The following DAPK1 variants were observed in gnomAD, a reference collection of about 807,000 sequenced individuals.
DAPK1 encodes the protein death-associated protein kinase 1.
In DAPK1, 56 loss-of-function variants were observed where a neutral mutation model predicts 144.9. The observed-to-expected ratio is 0.39, with a 90% CI of 0.31 to 0.48. The LOEUF (loss-of-function observed/expected upper bound fraction) is 0.48. DAPK1 is among the 20% of genes least tolerant of loss of function. The pLI is 0.95. For missense variants in DAPK1, 1,454 were observed against 1,875.4 expected, an observed-to-expected ratio of 0.78 and a Z score of 4.15; for synonymous variants, 690 against 749.0, an observed-to-expected ratio of 0.92 and a Z score of 1.29.
intron 2 of DAPK1, among the ~76,000 whole-genome samples, chr9:87,509,350 C>A (rs1024876957): frequency 2.0e-5 from 3 of 152,098 alleles, no homozygotes; most frequent in African/African-American, 7.2e-5. Context: ...GAAAGCACAG[C>A]CTGCCAGCAT....
rs567707197 is a variant in DAPK1 at position 87,639,230 on chromosome 9, C to T, written c.424-124C>T. On this transcript the variant is annotated intron_variant, in intron 4 of 25. Coordinates refer to ENST00000408954, the MANE Select transcript of DAPK1 (RefSeq NM_004938.4). ...ACATGTATTTTCCTGCTGTTCTCTTCCAACCACCCTTTCTTCCCTACTTTT... is the reference window on the plus strand; with the variant it reads ...ACATGTATTTTCCTGCTGTTCTCTTTCAACCACCCTTTCTTCCCTACTTTT... 1.6e-5 allele frequency: 14 copies of T among 897,872 alleles called. No homozygotes were observed. The African/African-American group carries it at 2.0e-4, about 13-fold the overall frequency. 55.6% of individuals were successfully genotyped at this position (897,872 alleles called of 1,614,324 possible).
chr9:87,554,335 A>T (rs1310179587), intron 2 of DAPK1: 1 of 152,230 alleles, frequency 6.6e-6, no homozygotes, highest in Admixed American at 6.5e-5. Flanking sequence ...TCCAGTTTTT[A>T]AAATTATTAT....
At chr9:87,654,754 G>A (rs990269280) in intron 17 of DAPK1, among the ~76,000 whole-genome samples, 1 of 152,146 alleles carries the variant, frequency 6.6e-6, no homozygotes, top group African/African-American at 2.4e-5. Flanking sequence ...TGTGCACCCA[G>A]GGGTCTACTA....
intron 10 of DAPK1, among the ~76,000 whole-genome samples, chr9:87,642,335 G>A (rs1453107226): frequency 6.6e-6 from 1 of 152,118 alleles, no homozygotes; most frequent in Non-Finnish European, 1.5e-5. Context: ...TAAAATTATA[G>A]TGAAATTTTT....
intron 9 of DAPK1, among the ~76,000 whole-genome samples, 193 bp from the exon 10 acceptor site, chr9:87,641,776 G>A (rs1355286079): frequency 2.6e-5 from 4 of 152,158 alleles, no homozygotes; most frequent in Non-Finnish European, 5.9e-5. Flanking sequence ...TGGATGATAC[G>A]AAACCCTGAG....
At chr9:87,585,826 A>G (rs1827926808) in intron 2 of DAPK1, among the ~76,000 whole-genome samples, 1 of 152,250 alleles carries the variant, frequency 6.6e-6, no homozygotes, top group Non-Finnish European at 1.5e-5. Context: ...GTGTGTGTGT[A>G]AAGCACACAC....
At chr9:87,629,973 A>G (rs3128525) in intron 3 of DAPK1, among the ~76,000 whole-genome samples, 59,849 of 151,928 alleles carry the variant, frequency 0.39, 13,480 homozygotes, top group Non-Finnish European at 0.51. Context: ...CCAGTGTGCT[A>G]TGAGGGAGCC....
chr9:87,682,585 C>A lies in DAPK1; in HGVS notation c.2224+959C>A, dbSNP rs76447697. Among the ~76,000 whole-genome samples the A allele has an allele frequency of 6.8e-3, 1,031 of 152,238 alleles. 12 individuals carry two copies. The highest frequency in any genetic ancestry group is 0.023 in the African/African-American group (938 of 41,532). The stretch of plus-strand genomic sequence containing the variant: ...CGGAGAGTTGGCTGAGATTTATATT[C>A]CCTTTTCAACTTCTGTTCTCTGAAC... On this transcript the variant is annotated intron_variant, in intron 20 of 25. Coordinates refer to ENST00000408954, the MANE Select transcript of DAPK1 (RefSeq NM_004938.4).
rs56299528 is a variant in DAPK1, at chr9:87,571,476, AAC to A, written c.63-33461_63-33460del. Among the ~76,000 whole-genome samples, 43 of 48,550 alleles carry A rather than the reference AAC, an allele frequency of 8.9e-4. 6 individuals are homozygous for A. Among genetic ancestry groups the A allele is most frequent in the East Asian group, 8.2e-3 (9 of 1,102 alleles). 31.9% of individuals were successfully genotyped at this position (48,550 alleles called of 152,430 possible). On this transcript the variant is annotated intron_variant, in intron 2 of 25. Coordinates refer to ENST00000408954, the MANE Select transcript of DAPK1 (RefSeq NM_004938.4). Reference sequence around the variant, plus strand: ...ACACACACACACACACACACACACCAACACACACACACACACACCCCAACACA... The same window carrying A: ...ACACACACACACACACACACACACCAACACACACACACACACCCCAACACA...
chr9:87,512,500 T>C (rs1824885079), intron 2 of DAPK1, among the ~76,000 whole-genome samples: 1 of 152,182 alleles, frequency 6.6e-6, no homozygotes, highest in African/African-American at 2.4e-5. Flanking sequence ...GGTTGGTGGC[T>C]GAAAGGCTGG....
intron 17 of DAPK1, among the ~76,000 whole-genome samples, chr9:87,657,006 G>A (rs1171545405): frequency 6.6e-6 from 1 of 152,032 alleles, no homozygotes; most frequent in Non-Finnish European, 1.5e-5. Context: ...AAGAGCATGT[G>A]TTAACTTTAT....
chr9:87,559,269 T>C (rs1043452185), intron 2 of DAPK1, among the ~76,000 whole-genome samples: 3 of 149,216 alleles, frequency 2.0e-5, no homozygotes, highest in Non-Finnish European at 4.4e-5. Flanking sequence ...TATGCTTCTT[T>C]TTATTACAGG....
intron 2 of DAPK1, among the ~76,000 whole-genome samples, chr9:87,568,221 C>T (rs764822705): frequency 4.6e-5 from 7 of 152,218 alleles, no homozygotes; most frequent in Admixed American, 2.0e-4. Flanking sequence ...ATGCATTGGG[C>T]GCTGACTGCC....
chr9:87,655,803 T>G (rs571415785), intron 17 of DAPK1, among the ~76,000 whole-genome samples: 142 of 152,308 alleles, frequency 9.3e-4, no homozygotes, highest in Admixed American at 2.8e-3. Flanking sequence ...TTGTCCCTCT[T>G]TAAGTCGGTG....
At position 87,571,462 on chromosome 9, in the gene DAPK1, C is replaced by CCCCA. The variant is rs1564000702; in HGVS notation, c.63-33492_63-33491insCCCA. ...ACACACACACACACACACACACACA[C>CCCCA]ACACACACACACCAACACACACACA... On this transcript the variant is annotated intron_variant, in intron 2 of 25. Coordinates refer to ENST00000408954, the MANE Select transcript of DAPK1 (RefSeq NM_004938.4). Among the ~76,000 whole-genome samples, 53 of 65,468 alleles carry CCCCA rather than the reference C, an allele frequency of 8.1e-4. 1 individual carries two copies. The highest frequency in any genetic ancestry group is 4.0e-3 in the African/African-American group (51 of 12,858). 42.9% of individuals were successfully genotyped at this position (65,468 alleles called of 152,430 possible). A position where few individuals can be genotyped will look rare whatever the true frequency, so the allele number is the denominator to read the frequency against.
chr9:87,549,816 A>G (rs1396740207), intron 2 of DAPK1, among the ~76,000 whole-genome samples: 1 of 152,246 alleles, frequency 6.6e-6, no homozygotes, highest in African/African-American at 2.4e-5. Context: ...ATATATGGAA[A>G]AGTGGGGGAA....
At chr9:87,550,090 AT>A (rs1826420692) in intron 2 of DAPK1, among the ~76,000 whole-genome samples, 1 of 152,192 alleles carries the variant, frequency 6.6e-6, no homozygotes, top group African/African-American at 2.4e-5. Flanking sequence ...AGGTTTGACA[AT>A]TGCATTCCCT....
chr9:87,648,733 C>T (rs1184187863), intron 14 of DAPK1, 48 bp from the exon 15 acceptor site: 1 of 1,536,932 alleles, frequency 6.5e-7, no homozygotes, highest in South Asian at 1.1e-5. Context: ...GTCTCCATAG[C>T]CTGCTCACAG....
intron 2 of DAPK1, among the ~76,000 whole-genome samples, chr9:87,575,231 T>G (rs557758090): frequency 2.6e-3 from 192 of 73,226 alleles, no homozygotes; most frequent in Non-Finnish European, 4.2e-3. Flanking sequence ...TAAAATAAAA[T>G]AAAATAAAAT....
Sources: gnomAD v4.1 joint callset for allele counts (sites outside exome capture counted in the v4.1 genomes callset) on GRCh38, gnomAD v4.1.1 for gene constraint, MANE v1.5 for transcripts, NCBI Gene and HGNC (gene_info 2026-07-23, HGNC 2026-07-21) for gene names.